Variants in MAPRE1 observed in about 807,000 individuals in gnomAD.
MAPRE1 encodes microtubule associated protein RP/EB family member 1.
Under a neutral mutation model 32.1 loss-of-function variants are expected in MAPRE1, and 5 were observed. The ratio of observed to expected loss-of-function variants is 0.16; its 90% confidence interval spans 0.08 to 0.33. MAPRE1 has a LOEUF of 0.33. Ranked by LOEUF, MAPRE1 falls within the 10% of genes least tolerant of loss-of-function variation. MAPRE1 has a pLI of 1.00. For synonymous variants in MAPRE1, 122 were observed against 118.9 expected (o/e 1.03, Z -0.17); for missense variants, 209 against 327.2 (o/e 0.64, Z 2.79).
chr20:32,845,250 A>C (rs1370048405), intron 5 of MAPRE1, among the ~76,000 whole-genome samples: 1 of 152,152 alleles, frequency 6.6e-6, no homozygotes, highest in Non-Finnish European at 1.5e-5. Context: ...CATGTTGCCC[A>C]GGCTGGTCTC....
At chr20:32,831,596 G>A (rs577757421) in intron 2 of MAPRE1, among the ~76,000 whole-genome samples, 5 of 151,026 alleles carry the variant, frequency 3.3e-5, no homozygotes, top group African/African-American at 1.2e-4. Context: ...TGAATGGTGC[G>A]ATCTCAGCTC....
intron 4 of MAPRE1, among the ~76,000 whole-genome samples, chr20:32,839,130 A>G (rs1983281612): frequency 6.6e-6 from 1 of 152,200 alleles, no homozygotes; most frequent in Non-Finnish European, 1.5e-5. Context: ...AAGATTTTAA[A>G]GCAATTCATG....
chr20:32,832,859 G>A (rs576185818), intron 2 of MAPRE1, among the ~76,000 whole-genome samples: 45 of 123,312 alleles, frequency 3.6e-4, no homozygotes, highest in Non-Finnish European at 5.8e-4. Flanking sequence ...TGAGAGAATC[G>A]CTTGAACTCA....
intron 1 of MAPRE1, among the ~76,000 whole-genome samples, chr20:32,825,625 T>C (rs1266893570): frequency 6.6e-6 from 1 of 151,936 alleles, no homozygotes; most frequent in African/African-American, 2.4e-5. Flanking sequence ...TGAAACCCCA[T>C]CTCTACTAAA....
At chr20:32,829,575 C>T (rs1436682575) in intron 2 of MAPRE1, among the ~76,000 whole-genome samples, 1 of 152,172 alleles carries the variant, frequency 6.6e-6, no homozygotes, top group African/African-American at 2.4e-5. Context: ...GATGCTGGTG[C>T]CAGATCCTTC....
intron 2 of MAPRE1, among the ~76,000 whole-genome samples, chr20:32,832,417 G>A (rs970524900): frequency 1.9e-4 from 29 of 150,850 alleles, no homozygotes; most frequent in African/African-American, 6.6e-4. Flanking sequence ...GCAAGTGGGG[G>A]AAGGAATGAA....
At position 32,846,785 on chromosome 20, in the gene MAPRE1, T is replaced by C. The variant is rs749385659; in HGVS notation, c.750+15T>C. ...ATGCCACAGATGTATGTGTTTGACA[T>C]GAGGATATTTTCTTTCCATTTTACA... is the stretch of plus-strand genomic sequence containing the variant. On this transcript the variant is annotated intron_variant, in intron 6 of 6. Coordinates refer to ENST00000375571, the MANE Select transcript of MAPRE1 (RefSeq NM_012325.3). 4 of 1,613,332 alleles carry C rather than the reference T, an allele frequency of 2.5e-6. No homozygotes were observed. The highest frequency in any genetic ancestry group is 3.4e-6 in the Non-Finnish European group (4 of 1,179,470).
chr20:32,846,536 C>G, intron 5 of MAPRE1, 82 bp from the exon 6 acceptor site: 3 of 1,335,722 alleles, frequency 2.2e-6, no homozygotes, highest in South Asian at 1.2e-5. Context: ...AAGACCACAT[C>G]TCCTTTTGGG....
chr20:32,832,731 A>G (rs1236058955), intron 2 of MAPRE1, among the ~76,000 whole-genome samples: 1 of 150,570 alleles, frequency 6.6e-6, no homozygotes, highest in Non-Finnish European at 1.5e-5. Flanking sequence ...CTAAGTGTTG[A>G]GATTACAGGC....
chr20:32,823,937 CCTT>C (rs2076579784), intron 1 of MAPRE1, among the ~76,000 whole-genome samples: 2 of 152,192 alleles, frequency 1.3e-5, no homozygotes, highest in East Asian at 1.9e-4. Flanking sequence ...AATCCTAACT[CCTT>C]CTGTTCCCAC....
intron 4 of MAPRE1, 38 bp downstream of exon 4, chr20:32,836,879 G>A (rs772975303): frequency 1.0e-5 from 16 of 1,542,048 alleles, no homozygotes; most frequent in Admixed American, 2.1e-5. Flanking sequence ...AAAAAATAGC[G>A]TTCCAGATAT....
At chr20:32,826,340 C>T (rs1428373530) in intron 2 of MAPRE1, among the ~76,000 whole-genome samples, 2 of 150,792 alleles carry the variant, frequency 1.3e-5, no homozygotes, top group Non-Finnish European at 2.9e-5. Flanking sequence ...CCTCAGTCTC[C>T]TGAGTAGCTG....
Position 32,826,008 on chromosome 20 carries a change from T to G in MAPRE1, c.81T>G (p.Ser27=), listed in dbSNP as rs1476346256. Reference sequence around the variant, plus strand: ...ACATGCTGGCCTGGATCAATGAGTCTCTGCAGTTGAATCTGACAAAGATCG... The same window carrying G: ...ACATGCTGGCCTGGATCAATGAGTCGCTGCAGTTGAATCTGACAAAGATCG... ...RHDMLAWINE[S]LQLNLTKIEQ... Residue 27 remains serine (S), a synonymous_variant, in exon 2 of 7, where the codon TCT becomes TCG. Coordinates refer to ENST00000375571, the MANE Select transcript of MAPRE1 (RefSeq NM_012325.3). The G allele has an allele frequency of 6.2e-7, 1 of 1,609,370 alleles. No homozygotes were observed. Among genetic ancestry groups the G allele is most frequent in the East Asian group, 2.2e-5 (1 of 44,826 alleles).
At chr20:32,835,184 C>T (rs1983153121) in intron 3 of MAPRE1, among the ~76,000 whole-genome samples, 1 of 152,054 alleles carries the variant, frequency 6.6e-6, no homozygotes, top group Non-Finnish European at 1.5e-5. Flanking sequence ...ATGATTGCAG[C>T]ATAAGACTCC....
intron 5 of MAPRE1, among the ~76,000 whole-genome samples, chr20:32,842,414 A>G (rs956047494): frequency 9.2e-5 from 14 of 152,220 alleles, no homozygotes; most frequent in Non-Finnish European, 2.1e-4. Context: ...TGCTTATGTC[A>G]TGCACAGTGT....
At chr20:32,846,587 A>G (rs1471043762) in intron 5 of MAPRE1, 31 bp from the exon 6 acceptor site, 4 of 1,609,522 alleles carry the variant, frequency 2.5e-6, no homozygotes, top group Non-Finnish European at 2.6e-6. Flanking sequence ...ACTAATGCCA[A>G]GCATCTCACC....
At chr20:32,820,289 C>T (rs895559021) in intron 1 of MAPRE1, among the ~76,000 whole-genome samples, 1 of 152,020 alleles carries the variant, frequency 6.6e-6, no homozygotes, top group Non-Finnish European at 1.5e-5. Context: ...TTCTGGGCCG[C>T]CGCTGAGGTG....
At chr20:32,830,621 G>A (rs1329445901) in intron 2 of MAPRE1, among the ~76,000 whole-genome samples, 4 of 151,346 alleles carry the variant, frequency 2.6e-5, no homozygotes, top group Non-Finnish European at 5.9e-5. Context: ...TGAACACTAA[G>A]TTCCCTCTAA....
chr20:32,835,298 A>G (rs947152172), intron 3 of MAPRE1, among the ~76,000 whole-genome samples: 4 of 151,404 alleles, frequency 2.6e-5, no homozygotes, highest in Non-Finnish European at 5.9e-5. Flanking sequence ...GTATTCTTGT[A>G]TAATAGAAAT....
Sources: gnomAD v4.1 joint callset for allele counts (sites outside exome capture counted in the v4.1 genomes callset) on GRCh38, gnomAD v4.1.1 for gene constraint, MANE v1.5 for transcripts, NCBI Gene and HGNC (gene_info 2026-07-23, HGNC 2026-07-21) for gene names.